VPS45: variants seen among roughly 807,000 people sequenced by gnomAD.
The protein encoded by VPS45 is vacuolar protein sorting 45 homolog.
Under a neutral mutation model 75.9 loss-of-function variants are expected in VPS45, and 35 were observed. That is an observed-to-expected ratio of 0.46 (90% CI 0.35 to 0.61). The LOEUF (loss-of-function observed/expected upper bound fraction) is 0.61, where lower values mean the gene tolerates loss of function less well. Ranked by LOEUF, VPS45 falls within the 20% of genes least tolerant of loss-of-function variation. The pLI is 0.00. For missense variants in VPS45, 559 were observed against 685.9 expected (o/e 0.81, Z 2.07); for synonymous variants, 220 against 238.2 (o/e 0.92, Z 0.70).
At chr1:150,105,938 C>T (rs192842185) in intron 13 of VPS45, among the ~76,000 whole-genome samples, 98 of 152,162 alleles carry the variant, frequency 6.4e-4, no homozygotes, top group Middle Eastern at 3.4e-3. Flanking sequence ...ATAGAGAACC[C>T]AGAAATAAAG....
At chr1:150,109,298 A>G (rs1218241391) in intron 13 of VPS45, 1 of 152,122 alleles carries the variant, frequency 6.6e-6, no homozygotes, top group Non-Finnish European at 1.5e-5. Context: ...CCCAAAATGC[A>G]TATAGGCATG....
rs369341866 is a variant in VPS45 at position 150,072,227 on chromosome 1, G to A, written c.289+1G>A. On this transcript the variant is annotated splice_donor_variant, in intron 3 of 14. Coordinates refer to ENST00000644510, the MANE Select transcript of VPS45 (RefSeq NM_007259.5). LOFTEE classifies it high-confidence loss of function. ...CCCAAATACACTATATATTTCATTT[G>A]TAAGTATGTTAGTTCACTTTTTCAA... is the stretch of plus-strand genomic sequence containing the variant. 1 of 1,592,090 alleles carries A rather than the reference G, an allele frequency of 6.3e-7. No homozygotes were observed. The highest frequency in any genetic ancestry group is 8.6e-7 in the Non-Finnish European group (1 of 1,166,882).
chr1:150,074,007 GTTGTT>G (rs1655224938), intron 3 of VPS45, among the ~76,000 whole-genome samples: 5 of 148,450 alleles, frequency 3.4e-5, no homozygotes, highest in Admixed American at 1.3e-4. Context: ...GTGTGTGTGT[GTTGTT>G]TTTGTTTTTT....
At chr1:150,142,773 T>C (rs1659457181) in intron 14 of VPS45, 1 of 409,902 alleles carries the variant, frequency 2.4e-6, no homozygotes, top group Non-Finnish European at 4.9e-6. Context: ...CAAGCAATTC[T>C]TCTGCCTTAG....
intron 13 of VPS45, among the ~76,000 whole-genome samples, chr1:150,108,472 A>G (rs1422669333): frequency 1.3e-5 from 2 of 152,334 alleles, no homozygotes; most frequent in East Asian, 3.9e-4. Context: ...ACTATACTGA[A>G]TGGAACAGAT....
At chr1:150,140,385 T>TGG (rs1489651438) in intron 14 of VPS45, among the ~76,000 whole-genome samples, 26 of 103,794 alleles carry the variant, frequency 2.5e-4, no homozygotes, top group Non-Finnish European at 4.6e-4. Context: ...CCATCACTTC[T>TGG]GGTGTGTGTG....
At position 150,131,676 on chromosome 1, in the gene VPS45, T is replaced by TAAAAAA. The variant is rs34119963; in HGVS notation, c.1626-13024_1626-13019dup. Among the ~76,000 whole-genome samples, 313 of 139,274 alleles carry TAAAAAA rather than the reference T, an allele frequency of 2.2e-3. 5 individuals are homozygous for TAAAAAA. Among genetic ancestry groups the TAAAAAA allele is most frequent in the Middle Eastern group, 0.011 (3 of 268 alleles). The allele number at this position is 139,274 out of a possible 152,430, so 91.4% of individuals were successfully genotyped here. ...AAAGCCCAGACTCTTTTTTTGTCTC[T>TAAAAAA]AAAAAAAAAAAAAAGTATTTTTAGC... On this transcript the variant is annotated intron_variant, in intron 14 of 14. Coordinates refer to ENST00000644510, the MANE Select transcript of VPS45 (RefSeq NM_007259.5).
At chr1:150,115,046 T>C (rs962041392) in intron 14 of VPS45, among the ~76,000 whole-genome samples, 1 of 152,208 alleles carries the variant, frequency 6.6e-6, no homozygotes, top group African/African-American at 2.4e-5. Flanking sequence ...AATGGAATGC[T>C]GTATTACTTG....
chr1:150,132,024 T>C (rs1265430207), intron 14 of VPS45, among the ~76,000 whole-genome samples: 10 of 152,186 alleles, frequency 6.6e-5, no homozygotes, highest in Non-Finnish European at 1.2e-4. Flanking sequence ...GTAGATGTTA[T>C]CTAGTTTCAA....
At chr1:150,072,118 C>T (rs1553797154) in intron 2 of VPS45, 48 bp from the exon 3 acceptor site, 2 of 1,530,154 alleles carry the variant, frequency 1.3e-6, no homozygotes, top group African/African-American at 1.4e-5. Context: ...TACTTTTTTC[C>T]TTAAGCAACT....
In VPS45 at chr1:150,144,694, C is replaced by G; in HGVS notation, c.1626-15C>G. 2 of 1,600,896 alleles carry G rather than the reference C, an allele frequency of 1.2e-6. No homozygotes were observed. Among genetic ancestry groups the G allele is most frequent in the Non-Finnish European group, 1.7e-6 (2 of 1,172,400 alleles). On this transcript the variant is annotated splice_polypyrimidine_tract_variant and intron_variant, in intron 14 of 14. Coordinates refer to ENST00000644510, the MANE Select transcript of VPS45 (RefSeq NM_007259.5). Reference sequence around the variant, plus strand: ...TTTTGTTTTTTCCTTCAAGTAACCTCAAACTACTTATCAGTTTCCTAGAGG... The same window carrying G: ...TTTTGTTTTTTCCTTCAAGTAACCTGAAACTACTTATCAGTTTCCTAGAGG...
intron 13 of VPS45, among the ~76,000 whole-genome samples, chr1:150,099,509 TA>T (rs1220956502): frequency 6.9e-6 from 1 of 144,826 alleles, no homozygotes; most frequent in Non-Finnish European, 1.5e-5. Context: ...GAGACTCCAT[TA>T]AAAAAAAAAA....
At chr1:150,139,447 G>A (rs1230621010) in intron 14 of VPS45, among the ~76,000 whole-genome samples, 1 of 152,176 alleles carries the variant, frequency 6.6e-6, no homozygotes, top group Non-Finnish European at 1.5e-5. Context: ...CAGTTTCTCA[G>A]GGAGGCCTTC....
chr1:150,101,407 C>T (rs182714082), intron 13 of VPS45, among the ~76,000 whole-genome samples: 1 of 152,038 alleles, frequency 6.6e-6, no homozygotes, highest in East Asian at 1.9e-4. Context: ...GGTGAGATAC[C>T]ATCTCAACAC....
chr1:150,119,373 T>C (rs1658109458), intron 14 of VPS45, among the ~76,000 whole-genome samples: 1 of 152,220 alleles, frequency 6.6e-6, no homozygotes, highest in Non-Finnish European at 1.5e-5. Flanking sequence ...ATAATTTGTT[T>C]CTGTGAATTA....
intron 14 of VPS45, among the ~76,000 whole-genome samples, chr1:150,119,106 G>A (rs905206302): frequency 6.6e-6 from 1 of 152,128 alleles, no homozygotes; most frequent in African/African-American, 2.4e-5. Context: ...ATATTTCAGA[G>A]GCCAGTTATT....
chr1:150,077,094 G>A lies in VPS45; in HGVS notation c.439G>A (p.Gly147Ser). 1.2e-6 allele frequency: 2 copies of A among 1,613,632 alleles called. No homozygotes were observed. The highest frequency in any genetic ancestry group is 1.6e-4 in the Middle Eastern group (1 of 6,062). Residue 147 changes from glycine (G) to serine (S), a missense_variant and splice_region_variant, in exon 6 of 15, where the codon GGT becomes AGT. Transcript: ENST00000644510. ...FSLNILGCCQGRNWDPAQLSR... is the reference protein window; with the variant it reads ...FSLNILGCCQSRNWDPAQLSR... ...CTGAATATATGTTTTTAACAAAAAG[G>A]GTCGAAATTGGGATCCAGCCCAGCT... is the stretch of plus-strand genomic sequence containing the variant.
chr1:150,104,264 G>A (rs1657196364), intron 13 of VPS45, among the ~76,000 whole-genome samples: 1 of 152,090 alleles, frequency 6.6e-6, no homozygotes, highest in African/African-American at 2.4e-5. Flanking sequence ...CCATTTATAA[G>A]TGAGAATATG....
At position 150,129,733 on chromosome 1, in the gene VPS45, T is replaced by C. The variant is rs139226306; in HGVS notation, c.1626-14976T>C. On this transcript the variant is annotated intron_variant, in intron 14 of 14. Transcript: ENST00000644510. The stretch of plus-strand genomic sequence containing the variant: ...CACACCCAAATAATTTTTGTAGTTT[T>C]AGTAGAGACAGATTTCACCATGTTG... Among the ~76,000 whole-genome samples, 709 of 152,018 alleles carry C rather than the reference T, an allele frequency of 4.7e-3. 3 individuals are homozygous for C. Among genetic ancestry groups the C allele is most frequent in the African/African-American group, 0.016 (674 of 41,462 alleles).
Sources: allele counts gnomAD v4.1 joint callset (sites outside exome capture counted in the v4.1 genomes callset), GRCh38; gene constraint gnomAD v4.1.1; transcripts MANE v1.5; gene names NCBI Gene and HGNC (gene_info 2026-07-23, HGNC 2026-07-21).